B4GALNT3: variants seen among roughly 807,000 people sequenced by gnomAD.
B4GALNT3 encodes the protein beta-1,4-N-acetylgalactosaminyltransferase 3.
Under a neutral mutation model 120.2 loss-of-function variants are expected in B4GALNT3, and 86 were observed. The observed-to-expected ratio is 0.72, with a 90% CI of 0.60 to 0.86. The LOEUF (loss-of-function observed/expected upper bound fraction) is 0.86. B4GALNT3 is among the 40% of genes least tolerant of loss of function. The pLI is 0.00. For missense variants in B4GALNT3, 1,167 were observed against 1,298.9 expected (o/e 0.90, Z 1.56); for synonymous variants, 518 against 510.4 (o/e 1.01, Z -0.20).
chr12:512,774 T>C (rs1427996238), intron 1 of B4GALNT3, among the ~76,000 whole-genome samples: 1 of 100,252 alleles, frequency 1.0e-5, no homozygotes. Flanking sequence ...CCTTCCGCCT[T>C]CTGCCTTCCT....
At chr12:524,926 T>C (rs923214407) in intron 1 of B4GALNT3, among the ~76,000 whole-genome samples, 10 of 151,900 alleles carry the variant, frequency 6.6e-5, no homozygotes, top group Non-Finnish European at 1.5e-4. Context: ...TTAAACTTGT[T>C]GTGTTAAACC....
At chr12:483,858 A>G (rs897231047) in intron 1 of B4GALNT3, among the ~76,000 whole-genome samples, 2 of 152,192 alleles carry the variant, frequency 1.3e-5, no homozygotes, top group African/African-American at 4.8e-5. Context: ...CTTTGCAGTC[A>G]GATTCAAGTG....
intron 3 of B4GALNT3, among the ~76,000 whole-genome samples, chr12:541,862 C>G (rs1201060110): frequency 1.5e-5 from 2 of 131,276 alleles, no homozygotes; most frequent in South Asian, 3.1e-4. Flanking sequence ...CCCCCCCCCA[C>G]CCCCCGGCCT....
chr12:533,350 C>T (rs1946826215), intron 1 of B4GALNT3, among the ~76,000 whole-genome samples: 1 of 152,234 alleles, frequency 6.6e-6, no homozygotes, highest in Admixed American at 6.5e-5. Context: ...TTCCCCAGAA[C>T]ACACCCCTGC....
Position 553,380 on chromosome 12 carries a change from T to C in B4GALNT3, c.1457T>C (p.Leu486Pro), listed in dbSNP as rs757797741. 7.4e-6 allele frequency: 12 copies of C among 1,613,712 alleles called. No individual in the cohort carries two copies. Among genetic ancestry groups the C allele is most frequent in the Non-Finnish European group, 1.0e-5 (12 of 1,180,050 alleles). ...RKLLAQPREG[L>P]LAPFSKRNST... ...CTCCTGGCTCAGCCCCGGGAGGGCC[T>C]GCTGGCCCCCTTCTCCAAGCGGAAC... Residue 486 changes from leucine to proline, a missense_variant, in exon 14 of 20, where the codon CTG becomes CCG. Coordinates refer to ENST00000266383, the MANE Select transcript of B4GALNT3 (RefSeq NM_173593.4).
intron 1 of B4GALNT3, among the ~76,000 whole-genome samples, chr12:468,367 T>C (rs1946102534): frequency 6.6e-6 from 1 of 152,176 alleles, no homozygotes; most frequent in African/African-American, 2.4e-5. Flanking sequence ...TGGGGGTCTT[T>C]ATTTAGGTAC....
At chr12:524,115 T>C (rs1450742731) in intron 1 of B4GALNT3, among the ~76,000 whole-genome samples, 1 of 152,180 alleles carries the variant, frequency 6.6e-6, no homozygotes, top group East Asian at 1.9e-4. Context: ...GTGGGATGGT[T>C]GACTAAACCA....
chr12:488,307 G>A (rs2120496793), intron 1 of B4GALNT3, among the ~76,000 whole-genome samples: 1 of 152,256 alleles, frequency 6.6e-6, no homozygotes, highest in Non-Finnish European at 1.5e-5. Context: ...TCTTTAAAGA[G>A]AAAGAAAATG....
chr12:518,924 G>A (rs2286781), intron 1 of B4GALNT3, among the ~76,000 whole-genome samples: 16,809 of 152,178 alleles, frequency 0.11, 1,391 homozygotes, highest in East Asian at 0.26. Flanking sequence ...AAGGACTGAC[G>A]ATATACATAA....
intron 1 of B4GALNT3, among the ~76,000 whole-genome samples, chr12:461,168 G>T (rs1002106215): frequency 2.8e-4 from 43 of 151,794 alleles, no homozygotes; most frequent in Non-Finnish European, 8.8e-5. Context: ...CCACCTCCTC[G>T]CTGCGCCCTC....
At chr12:541,580 G>T (rs866853546) in intron 3 of B4GALNT3, among the ~76,000 whole-genome samples, 3 of 152,292 alleles carry the variant, frequency 2.0e-5, no homozygotes, top group Middle Eastern at 3.4e-3. Flanking sequence ...GGGAGGAAGA[G>T]GGTGCCTTCT....
At chr12:546,793 G>A in intron 7 of B4GALNT3, 80 bp downstream of exon 7, 1 of 1,380,068 alleles carries the variant, frequency 7.2e-7, no homozygotes, top group Non-Finnish European at 1.0e-6. Flanking sequence ...CGCCAGCCCA[G>A]CTGCCGACTC....
At chr12:478,265 AAAAAAAATT>A (rs1218361656) in intron 1 of B4GALNT3, among the ~76,000 whole-genome samples, 1 of 106,552 alleles carries the variant, frequency 9.4e-6, no homozygotes. Flanking sequence ...AAAAAAAAAA[AAAAAAAATT>A]AGAGGAGGTA....
intron 1 of B4GALNT3, among the ~76,000 whole-genome samples, chr12:489,729 A>G (rs368785424): frequency 5.3e-5 from 8 of 152,360 alleles, no homozygotes; most frequent in Non-Finnish European, 8.8e-5. Flanking sequence ...TGGTAAAGAC[A>G]TAATTGAACT....
intron 1 of B4GALNT3, among the ~76,000 whole-genome samples, chr12:514,320 C>A (rs1946629075): frequency 6.6e-6 from 1 of 151,910 alleles, no homozygotes. Context: ...GCCTCAGCCT[C>A]CCAAGTAGCT....
At chr12:556,184 A>G (rs1592058961) in intron 14 of B4GALNT3, among the ~76,000 whole-genome samples, 2 of 152,148 alleles carry the variant, frequency 1.3e-5, no homozygotes. Context: ...GAGCCAACCA[A>G]TTGACATCTG....
In B4GALNT3 at chr12:525,833, C is replaced by T. The variant is rs1946754459; in HGVS notation, c.170-9333C>T. Among the ~76,000 whole-genome samples, 4 of 152,220 alleles carry T rather than the reference C, an allele frequency of 2.6e-5. No individual in the cohort carries two copies. In the South Asian group the frequency reaches 8.3e-4, roughly 32 times the overall value. On this transcript the variant is annotated intron_variant, in intron 1 of 19. Transcript: ENST00000266383. The stretch of plus-strand genomic sequence containing the variant: ...GGAGATGTTTCTGCTGAAACTACTC[C>T]ATTGCCATCTTACAGAGTCAGGGTT...
At chr12:522,775 AAAG>A (rs1461046246) in intron 1 of B4GALNT3, among the ~76,000 whole-genome samples, 2 of 144,860 alleles carry the variant, frequency 1.4e-5, no homozygotes, top group Non-Finnish European at 3.0e-5. Context: ...CTGTACCAAA[AAAG>A]AAAAAAAAAA....
chr12:558,632 A>C lies in B4GALNT3; in HGVS notation c.2732A>C (p.His911Pro), dbSNP rs769337437. ...MAFAPMVMRL[H>P]CGATPQWPEG... ...TTTGCCCCCATGGTGATGAGGCTGC[A>C]TTGTGGGGCCACCCCCCAGTGGCCT... The change falls in exon 18 of 20, where the codon CAT (histidine) becomes CCT (proline). Residue 911 changes from histidine (H) to proline (P), a missense_variant. His to Pro is a moderately conservative substitution (Grantham distance 77). This residue lies in a region of B4GALNT3 where 983 missense variants were observed against 1,102.5 expected (regional missense o/e 0.89). Coordinates refer to ENST00000266383, the MANE Select transcript of B4GALNT3 (RefSeq NM_173593.4). The C allele has an allele frequency of 1.3e-5, 21 of 1,613,852 alleles. No individual in the cohort carries two copies. In the African/African-American group the frequency reaches 2.7e-4, roughly 21 times the overall value.
Sources: gnomAD v4.1 joint callset for allele counts (sites outside exome capture counted in the v4.1 genomes callset) on GRCh38, gnomAD v4.1.1 for gene constraint, gnomAD v4.1.1 regional missense constraint, MANE v1.5 for transcripts, NCBI Gene and HGNC (gene_info 2026-07-23, HGNC 2026-07-21) for gene names.